The following SPOCK3 variants were observed in gnomAD, a reference collection of about 807,000 sequenced individuals.
The protein encoded by SPOCK3 is SPARC (osteonectin), cwcv and kazal like domains proteoglycan 3, also known as testican-3.
SPOCK3 carries 30 observed loss-of-function variants against 56.6 expected under a neutral mutation model. The ratio of observed to expected loss-of-function variants is 0.53; its 90% CI spans 0.40 to 0.72. The LOEUF (loss-of-function observed/expected upper bound fraction) is 0.72, where lower values mean the gene tolerates loss of function less well. Ranked by LOEUF, SPOCK3 falls within the 30% of genes least tolerant of loss-of-function variation. The pLI is 0.00. For missense variants in SPOCK3, 527 were observed against 530.0 expected, an observed-to-expected ratio of 0.99 and a Z score of 0.06; for synonymous variants, 196 against 183.3, an observed-to-expected ratio of 1.07 and a Z score of -0.56.
At chr4:166,936,005 T>A (rs1740362212) in intron 4 of SPOCK3, among the ~76,000 whole-genome samples, 2 of 152,188 alleles carry the variant, frequency 1.3e-5, no homozygotes, top group Admixed American at 6.5e-5. Context: ...TTTCCTTCCA[T>A]TTTTGGTTTC....
At chr4:166,955,979 A>T (rs927329271) in intron 4 of SPOCK3, among the ~76,000 whole-genome samples, 2 of 151,792 alleles carry the variant, frequency 1.3e-5, no homozygotes, top group African/African-American at 4.8e-5. Context: ...TTATTCTTCA[A>T]TGGCTTTTGT....
intron 2 of SPOCK3, among the ~76,000 whole-genome samples, chr4:167,106,923 C>T (rs1310268045): frequency 6.6e-6 from 1 of 151,642 alleles, no homozygotes; most frequent in Non-Finnish European, 1.5e-5. Flanking sequence ...AGATAAATTC[C>T]TAGACAATAC....
chr4:167,171,193 T>G (rs775292921), intron 2 of SPOCK3, among the ~76,000 whole-genome samples: 5 of 152,200 alleles, frequency 3.3e-5, no homozygotes, highest in Non-Finnish European at 7.3e-5. Flanking sequence ...AAGGGCTTAT[T>G]TATTTGACAA....
intron 3 of SPOCK3, among the ~76,000 whole-genome samples, chr4:167,024,398 G>A (rs1210497297): frequency 6.6e-6 from 1 of 151,734 alleles, no homozygotes; most frequent in Admixed American, 6.6e-5. Context: ...TAGTATAAAA[G>A]GGTCACAATT....
At chr4:166,850,302 G>A (rs1287480334) in intron 6 of SPOCK3, among the ~76,000 whole-genome samples, 1 of 152,184 alleles carries the variant, frequency 6.6e-6, no homozygotes, top group Non-Finnish European at 1.5e-5. Flanking sequence ...CTAAGGTGGT[G>A]TATCTCAATG....
At chr4:166,932,927 T>C (rs769029029) in intron 4 of SPOCK3, among the ~76,000 whole-genome samples, 3 of 152,138 alleles carry the variant, frequency 2.0e-5, no homozygotes, top group Non-Finnish European at 4.4e-5. Flanking sequence ...ATGTAACAGG[T>C]TGATTGTTGA....
Position 167,210,123 on chromosome 4 carries a change from T to C in SPOCK3, c.189+23862A>G, listed in dbSNP as rs576507338. Among the ~76,000 whole-genome samples the C allele has an allele frequency of 2.5e-3, 385 of 152,328 alleles. 1 individual carries two copies. Among genetic ancestry groups the C allele is most frequent in the Non-Finnish European group, 4.4e-3 (300 of 68,028 alleles). On this transcript the variant is annotated intron_variant, in intron 2 of 10. Transcript: ENST00000357545. ...AGTCCTAACAATTTTCAGTCTCCTC[T>C]GTCTTGACTCTCTATCATTCACAAT... is the stretch of plus-strand genomic sequence containing the variant.
At chr4:167,121,259 T>C in intron 2 of SPOCK3, among the ~76,000 whole-genome samples, 1 of 151,824 alleles carries the variant, frequency 6.6e-6, no homozygotes, top group East Asian at 1.9e-4. Flanking sequence ...GTTAAAGAAG[T>C]TTATTCTTTT....
At chr4:166,895,814 A>G (rs991289411) in intron 5 of SPOCK3, among the ~76,000 whole-genome samples, 1 of 152,224 alleles carries the variant, frequency 6.6e-6, no homozygotes, top group African/African-American at 2.4e-5. Flanking sequence ...TAAATGAGAA[A>G]GATGGGCAAG....
In SPOCK3 at chr4:167,037,523, A is replaced by T. The variant is rs139875019; in HGVS notation, c.235+24969T>A. Among the ~76,000 whole-genome samples the T allele has an allele frequency of 3.9e-3, 586 of 151,844 alleles. 7 individuals are homozygous for T. Among genetic ancestry groups the T allele is most frequent in the African/African-American group, 0.013 (540 of 41,472 alleles). The stretch of plus-strand genomic sequence containing the variant: ...AAAAAAAAAAAAACTATTTTACAGG[A>T]ACACTGTCCACACACTAAGGATTTT... On this transcript the variant is annotated intron_variant, in intron 3 of 10. Coordinates refer to ENST00000357545, the MANE Select transcript of SPOCK3 (RefSeq NM_001040159.2).
At chr4:166,878,189 G>T (rs558843935) in intron 6 of SPOCK3, among the ~76,000 whole-genome samples, 7 of 152,310 alleles carry the variant, frequency 4.6e-5, no homozygotes, top group South Asian at 2.1e-4. Flanking sequence ...TGAGGCAGGA[G>T]AATTGCTTGA....
intron 2 of SPOCK3, among the ~76,000 whole-genome samples, chr4:167,169,289 A>G (rs943559208): frequency 6.6e-6 from 1 of 152,184 alleles, no homozygotes; most frequent in Non-Finnish European, 1.5e-5. Flanking sequence ...AAAGCCATGG[A>G]CATTCAATGC....
chr4:166,742,209 T>G (rs547869537), intron 8 of SPOCK3, 150 bp from the exon 9 acceptor site: 3 of 593,784 alleles, frequency 5.1e-6, no homozygotes, highest in Non-Finnish European at 9.0e-6. Flanking sequence ...TACATTCATA[T>G]AGGTACATAC....
intron 2 of SPOCK3, among the ~76,000 whole-genome samples, chr4:167,187,645 T>TA (rs1349801212): frequency 2.0e-5 from 3 of 152,060 alleles, no homozygotes; most frequent in African/African-American, 7.2e-5. Context: ...ACACTATAAA[T>TA]ACTATTATAT....
At chr4:166,974,472 G>A (rs1298379171) in intron 4 of SPOCK3, among the ~76,000 whole-genome samples, 2 of 152,188 alleles carry the variant, frequency 1.3e-5, no homozygotes, top group Non-Finnish European at 2.9e-5. Flanking sequence ...TCATTATAAT[G>A]TTTACAAATT....
chr4:167,067,470 C>A (rs1206768455), intron 2 of SPOCK3, among the ~76,000 whole-genome samples: 3 of 151,710 alleles, frequency 2.0e-5, no homozygotes, highest in Non-Finnish European at 4.4e-5. Flanking sequence ...TCAATGGTAA[C>A]TATTTTTGTT....
At chr4:167,080,805 A>G (rs1757632679) in intron 2 of SPOCK3, among the ~76,000 whole-genome samples, 1 of 151,334 alleles carries the variant, frequency 6.6e-6, no homozygotes, top group African/African-American at 2.4e-5. Context: ...TCAAAAGGAG[A>G]CCTTGAGATT....
intron 2 of SPOCK3, among the ~76,000 whole-genome samples, chr4:167,187,443 T>C (rs2110816662): frequency 6.6e-6 from 1 of 152,150 alleles, no homozygotes; most frequent in East Asian, 1.9e-4. Context: ...ACTTTCTCCA[T>C]GATATAACAC....
chr4:167,018,320 C>T (rs1750842964), intron 3 of SPOCK3, among the ~76,000 whole-genome samples: 1 of 152,016 alleles, frequency 6.6e-6, no homozygotes, highest in African/African-American at 2.4e-5. Context: ...AATGAAGTGT[C>T]CAGCCTGGTT....
Sources: allele counts gnomAD v4.1 joint callset (sites outside exome capture counted in the v4.1 genomes callset), GRCh38; gene constraint gnomAD v4.1.1; transcripts MANE v1.5; gene names NCBI Gene and HGNC (gene_info 2026-07-23, HGNC 2026-07-21).